GRID1: variants seen among roughly 807,000 people sequenced by gnomAD.
GRID1 encodes the protein glutamate receptor ionotropic, delta-1.
GRID1 carries 28 observed loss-of-function variants against 98.0 expected under a neutral mutation model. That is an observed-to-expected ratio of 0.29 (90% confidence interval 0.21 to 0.39). The LOEUF (loss-of-function observed/expected upper bound fraction) is 0.39, where lower values mean the gene tolerates loss of function less well. GRID1 is among the 10% of genes least tolerant of loss of function. The pLI is 1.00. For synonymous variants in GRID1, 553 were observed against 538.5 expected (o/e 1.03, Z -0.37); for missense variants, 1,111 against 1,340.5 (o/e 0.83, Z 2.67).
At chr10:85,698,237 A>G (rs1841414979) in intron 12 of GRID1, among the ~76,000 whole-genome samples, 2 of 152,220 alleles carry the variant, frequency 1.3e-5, no homozygotes, top group East Asian at 3.8e-4. Context: ...CCCACATATC[A>G]ATTAAAAGAA....
At chr10:85,742,838 C>T (rs1201427944) in intron 8 of GRID1, among the ~76,000 whole-genome samples, 1 of 152,140 alleles carries the variant, frequency 6.6e-6, no homozygotes, top group African/African-American at 2.4e-5. Flanking sequence ...CAGAAAGGGC[C>T]ATACAGTGTC....
chr10:86,363,685 G>T (rs944231113), intron 2 of GRID1, among the ~76,000 whole-genome samples: 1 of 152,146 alleles, frequency 6.6e-6, no homozygotes, highest in Non-Finnish European at 1.5e-5. Context: ...CACACAGCCC[G>T]AAGGGCGCCA....
At chr10:85,711,488 A>C (rs1590200360) in intron 12 of GRID1, among the ~76,000 whole-genome samples, 1 of 152,070 alleles carries the variant, frequency 6.6e-6, no homozygotes, top group Non-Finnish European at 1.5e-5. Flanking sequence ...ATGGGAAATT[A>C]GTTCTTTCAT....
intron 3 of GRID1, among the ~76,000 whole-genome samples, chr10:86,153,464 A>C (rs1244162663): frequency 1.3e-5 from 2 of 152,224 alleles, no homozygotes; most frequent in Non-Finnish European, 2.9e-5. Context: ...TTCCCTAATT[A>C]TTTTGCTGCA....
At chr10:86,349,873 A>T (rs369107414) in intron 2 of GRID1, among the ~76,000 whole-genome samples, 1 of 152,200 alleles carries the variant, frequency 6.6e-6, no homozygotes, top group East Asian at 1.9e-4. Flanking sequence ...CAAGACAGAC[A>T]CTTCTCTGCC....
chr10:85,628,469 A>G (rs1157419126), intron 13 of GRID1, among the ~76,000 whole-genome samples: 2 of 152,022 alleles, frequency 1.3e-5, no homozygotes, highest in Non-Finnish European at 2.9e-5. Context: ...AGAGAAGAGG[A>G]CTCAGGTACC....
At chr10:85,738,264 C>T (rs1841906554) in intron 8 of GRID1, among the ~76,000 whole-genome samples, 1 of 152,034 alleles carries the variant, frequency 6.6e-6, no homozygotes, top group African/African-American at 2.4e-5. Flanking sequence ...TGTGATAGGC[C>T]AATATGCACA....
chr10:85,720,179 C>T (rs1841684189), intron 12 of GRID1, among the ~76,000 whole-genome samples: 1 of 152,142 alleles, frequency 6.6e-6, no homozygotes, highest in African/African-American at 2.4e-5. Context: ...CTATTAGAGT[C>T]ACTGATACTT....
At chr10:85,651,709 A>G (rs1452542317) in intron 12 of GRID1, among the ~76,000 whole-genome samples, 1 of 152,198 alleles carries the variant, frequency 6.6e-6, no homozygotes, top group Non-Finnish European at 1.5e-5. Context: ...GGAACTGCTC[A>G]GGAAGAACGG....
intron 8 of GRID1, among the ~76,000 whole-genome samples, chr10:85,840,516 G>A (rs913386357): frequency 2.0e-5 from 3 of 151,984 alleles, no homozygotes; most frequent in African/African-American, 4.8e-5. Context: ...GAAATAAAGT[G>A]CATCCAAATA....
chr10:85,713,302 C>T (rs571978394), intron 12 of GRID1, among the ~76,000 whole-genome samples: 10 of 151,688 alleles, frequency 6.6e-5, no homozygotes, highest in African/African-American at 1.7e-4. Context: ...TGAATAATTT[C>T]GAAGAAATGG....
rs370584165 is a variant in GRID1 at position 85,635,244 on chromosome 10, G to C, written c.2193+11958C>G. Among the ~76,000 whole-genome samples, 15 of 152,254 alleles carry C rather than the reference G, an allele frequency of 9.9e-5. No homozygotes were observed. In the South Asian group the frequency reaches 2.9e-3, roughly 30 times the overall value. Reference sequence around the variant, plus strand: ...CAAAGCAGAATAATTTAATAAGGGAGGCACAGTGGGGGCTTTCCTTGACAT... The same window carrying C: ...CAAAGCAGAATAATTTAATAAGGGACGCACAGTGGGGGCTTTCCTTGACAT... On this transcript the variant is annotated intron_variant, in intron 13 of 15. Transcript: ENST00000327946.
intron 2 of GRID1, among the ~76,000 whole-genome samples, chr10:86,243,897 C>T (rs1353722426): frequency 1.3e-5 from 2 of 152,246 alleles, no homozygotes; most frequent in South Asian, 2.1e-4. Flanking sequence ...CCCCAGTCCT[C>T]GCCACCATCT....
intron 4 of GRID1, among the ~76,000 whole-genome samples, chr10:85,967,580 C>T (rs190739628): frequency 2.4e-4 from 36 of 152,200 alleles, no homozygotes; most frequent in Non-Finnish European, 4.4e-4. Flanking sequence ...TAGAGAAAAT[C>T]GTGTCTAAAA....
intron 4 of GRID1, among the ~76,000 whole-genome samples, chr10:85,949,190 A>T (rs1842088053): frequency 2.6e-5 from 4 of 152,194 alleles, no homozygotes; most frequent in Non-Finnish European, 5.9e-5. Context: ...ACATTTTTAT[A>T]ACAACAATAA....
At chr10:85,956,547 G>T (rs1842196521) in intron 4 of GRID1, among the ~76,000 whole-genome samples, 1 of 152,132 alleles carries the variant, frequency 6.6e-6, no homozygotes, top group South Asian at 2.1e-4. Flanking sequence ...GTGCGGTTTT[G>T]ACCACAAGGG....
chr10:85,776,943 G>T (rs1314217886), intron 8 of GRID1, among the ~76,000 whole-genome samples: 1 of 152,230 alleles, frequency 6.6e-6, no homozygotes, highest in African/African-American at 2.4e-5. Context: ...GGCTAGCAAA[G>T]AAATGCATTT....
intron 4 of GRID1, among the ~76,000 whole-genome samples, chr10:86,105,165 G>A (rs900926962): frequency 2.0e-5 from 3 of 152,134 alleles, no homozygotes; most frequent in African/African-American, 7.2e-5. Flanking sequence ...TCAATTTAAC[G>A]AGCCATGTTT....
intron 8 of GRID1, among the ~76,000 whole-genome samples, chr10:85,831,797 G>A (rs775582759): frequency 1.3e-5 from 2 of 151,858 alleles, no homozygotes; most frequent in Non-Finnish European, 2.9e-5. Flanking sequence ...CAAAATATAC[G>A]GAATTCAGCT....
Sources: gnomAD v4.1 joint callset for allele counts (sites outside exome capture counted in the v4.1 genomes callset) on GRCh38, gnomAD v4.1.1 for gene constraint, MANE v1.5 for transcripts, NCBI Gene and HGNC (gene_info 2026-07-23, HGNC 2026-07-21) for gene names.